The following CLCA1 variants were observed in gnomAD, a reference collection of about 807,000 sequenced individuals.
CLCA1 encodes the protein calcium-activated chloride channel regulator 1.
A neutral mutation model predicts 85.6 loss-of-function variants in CLCA1; 59 were observed. That is an observed-to-expected ratio of 0.69 (90% CI 0.56 to 0.86). The LOEUF (loss-of-function observed/expected upper bound fraction) is 0.86. CLCA1 is among the 40% of genes least tolerant of loss of function. The pLI, the probability that CLCA1 is intolerant of heterozygous loss-of-function variation, is 0.00. For synonymous variants in CLCA1, 396 were observed against 398.3 expected (o/e 0.99, Z 0.07); for missense variants, 1,022 against 1,101.4 (o/e 0.93, Z 1.02).
At chr1:86,489,820 G>A (rs1378823450) in intron 8 of CLCA1, among the ~76,000 whole-genome samples, 1 of 152,138 alleles carries the variant, frequency 6.6e-6, no homozygotes, top group East Asian at 1.9e-4. Flanking sequence ...TAATATTGTG[G>A]ATCTCAATTA....
rs1648127654 is a variant in CLCA1, at chr1:86,491,282, G to A, written c.1375G>A (p.Ala459Thr). ...CATTTTAGGAGGTTTACAGACATAT[G>A]CTTCAGATCAAGTTCAGAACAATGG... ...SKMTGGLQTY[A>T]SDQVQNNGLI... Residue 459 changes from alanine to threonine, a missense_variant, in exon 9 of 14, where the codon GCT becomes ACT. By Grantham distance (58) the Ala-to-Thr change is moderately conservative (BLOSUM62 0). Coordinates refer to ENST00000394711, the MANE Select transcript of CLCA1 (RefSeq NM_001285.4). 1.9e-6 allele frequency: 3 copies of A among 1,612,690 alleles called. No individual in the cohort carries two copies. The highest frequency in any genetic ancestry group is 3.3e-5 in the Admixed American group (2 of 59,880).
intron 7 of CLCA1, 79 bp downstream of exon 7, chr1:86,486,832 A>G (rs1463564932): frequency 7.9e-7 from 1 of 1,269,252 alleles, no homozygotes; most frequent in Admixed American, 1.7e-5. Flanking sequence ...CAGTGTTTCC[A>G]TACATGCCTA....
At chr1:86,480,068 A>T (rs1421371849) in intron 4 of CLCA1, among the ~76,000 whole-genome samples, 1 of 152,236 alleles carries the variant, frequency 6.6e-6, no homozygotes, top group African/African-American at 2.4e-5. Flanking sequence ...CTTTAAAGAT[A>T]AAAAGCAGAA....
At chr1:86,477,960 C>G (rs930811456) in intron 4 of CLCA1, among the ~76,000 whole-genome samples, 2 of 152,336 alleles carry the variant, frequency 1.3e-5, no homozygotes, top group East Asian at 1.9e-4. Context: ...TCCTAACTGT[C>G]TTGACCTAGT....
At chr1:86,493,350 T>A in intron 9 of CLCA1, 34 bp from the exon 10 acceptor site, 1 of 1,545,432 alleles carries the variant, frequency 6.5e-7, no homozygotes, top group Non-Finnish European at 8.9e-7. Flanking sequence ...GGGAGCTGTA[T>A]TCTCCAGAAA....
rs1483175227 is a variant in CLCA1 at position 86,485,523 on chromosome 1, A to G, written c.916A>G (p.Ile306Val). The change falls in exon 6 of 14, where the codon ATT becomes GTT. Residue 306 changes from isoleucine to valine, a missense_variant. By Grantham distance (29) the Ile-to-Val change is conservative. Coordinates refer to ENST00000394711, the MANE Select transcript of CLCA1 (RefSeq NM_001285.4). ...TFSLLQIGQR[I>V]VCLVLDKSGS... ...CTCATTGCTGCAGATTGGACAAAGA[A>G]TTGTGTGTTTAGTCCTTGACAAATC... The G allele has an allele frequency of 6.2e-7, 1 of 1,614,020 alleles. No individual in the cohort carries two copies. The highest frequency in any genetic ancestry group is 1.3e-5 in the African/African-American group (1 of 74,914).
chr1:86,487,515 G>C (rs1266765921), intron 7 of CLCA1, among the ~76,000 whole-genome samples: 1 of 152,174 alleles, frequency 6.6e-6, no homozygotes, highest in East Asian at 1.9e-4. Flanking sequence ...GCTTCAGGGT[G>C]ATGAGGCAAA....
chr1:86,494,431 T>C lies in CLCA1; in HGVS notation c.1925T>C (p.Leu642Pro). Residue 642 changes from leucine (L) to proline (P), a missense_variant, in exon 11 of 14, where the codon CTA (leucine) becomes CCA (proline). Leu to Pro is a moderately conservative substitution (Grantham distance 98). Coordinates refer to ENST00000394711, the MANE Select transcript of CLCA1 (RefSeq NM_001285.4). ...AATGGAAAAACAGTTACCTTGGAAC[T>C]ACTGGATAATGGAGCAGGTAATCAC... ...SVNGKTVTLE[L>P]LDNGAGADAT... 6.2e-7 allele frequency: 1 copy of C among 1,614,182 alleles called. No homozygotes were observed. The highest frequency in any genetic ancestry group is 8.5e-7 in the Non-Finnish European group (1 of 1,179,990).
intron 12 of CLCA1, among the ~76,000 whole-genome samples, chr1:86,498,200 A>G (rs113829185): frequency 0.048 from 7,164 of 150,754 alleles, 215 homozygotes; most frequent in Middle Eastern, 0.11. Context: ...GGAAGGAAGG[A>G]AGGAAGGAAA....
chr1:86,484,322 T>A (rs1470922584), intron 5 of CLCA1, among the ~76,000 whole-genome samples: 1 of 152,206 alleles, frequency 6.6e-6, no homozygotes, highest in Non-Finnish European at 1.5e-5. Context: ...CGGAAGTGAC[T>A]TTTTGGCTGA....
chr1:86,474,106 A>G (rs992770737), intron 3 of CLCA1, among the ~76,000 whole-genome samples: 1 of 152,192 alleles, frequency 6.6e-6, no homozygotes, highest in African/African-American at 2.4e-5. Flanking sequence ...GGTATTTTGA[A>G]TTCTCGTAAA....
Position 86,486,689 on chromosome 1 carries a change from A to G in CLCA1, c.1118A>G (p.Lys373Arg). ...GGCAGTGACAGGGACACACTCGCCA[A>G]AAGATTACCTGCAGCAGCTTCAGGA... ...NSGSDRDTLAKRLPAAASGGT... is the reference protein window; with the variant it reads ...NSGSDRDTLARRLPAAASGGT... The change falls in exon 7 of 14, where the codon AAA becomes AGA. Residue 373 changes from lysine to arginine, a missense_variant. By Grantham distance (26) the Lys-to-Arg change is conservative. Transcript: ENST00000394711. The G allele has an allele frequency of 6.2e-7, 1 of 1,614,206 alleles. No individual in the cohort carries two copies.
chr1:86,489,932 G>A (rs188895803), intron 8 of CLCA1, among the ~76,000 whole-genome samples: 2 of 152,258 alleles, frequency 1.3e-5, no homozygotes, highest in East Asian at 3.9e-4. Context: ...CCTGAGACAG[G>A]GATTTGGGTC....
chr1:86,492,747 A>G (rs946249727), intron 9 of CLCA1, among the ~76,000 whole-genome samples: 1 of 152,202 alleles, frequency 6.6e-6, no homozygotes, highest in Non-Finnish European at 1.5e-5. Flanking sequence ...ATTTATCTCC[A>G]CAGGGCCTGC....
Position 86,500,013 on chromosome 1 carries a change from T to A in CLCA1, c.2713T>A (p.Trp905Arg). 6.2e-7 allele frequency: 1 copy of A among 1,612,074 alleles called. No individual in the cohort carries two copies. The highest frequency in any genetic ancestry group is 1.3e-5 in the African/African-American group (1 of 75,006). Reference sequence around the variant, plus strand: ...TCACATTTTAAAAATTATGTGGAAGTGGATAGGAGAACTGCAGCTGTCAAT... The same window carrying A: ...TCACATTTTAAAAATTATGTGGAAGAGGATAGGAGAACTGCAGCTGTCAAT... The part of the protein sequence containing the change: ...GIHILKIMWK[W>R]IGELQLSIA The change falls in exon 14 of 14, where the codon TGG becomes AGG. Residue 905 changes from tryptophan to arginine, a missense_variant. Physicochemically the swap from Trp to Arg is moderately radical, Grantham distance 101. Coordinates refer to ENST00000394711, the MANE Select transcript of CLCA1 (RefSeq NM_001285.4).
intron 3 of CLCA1, among the ~76,000 whole-genome samples, chr1:86,474,378 C>A (rs1430709940): frequency 1.3e-5 from 2 of 152,126 alleles, no homozygotes; most frequent in Non-Finnish European, 2.9e-5. Flanking sequence ...CACAGTGAAA[C>A]CCCGTCTCTA....
chr1:86,473,898 T>G, intron 3 of CLCA1, 22 bp downstream of exon 3: 1 of 1,557,998 alleles, frequency 6.4e-7, no homozygotes, highest in Non-Finnish European at 8.7e-7. Context: ...TCTACCATAC[T>G]TCTCATACAA....
At chr1:86,475,900 A>C (rs1324819364) in intron 3 of CLCA1, among the ~76,000 whole-genome samples, 1 of 152,212 alleles carries the variant, frequency 6.6e-6, no homozygotes, top group African/African-American at 2.4e-5. Flanking sequence ...ACTTACCCTG[A>C]AGGATGGAGA....
At chr1:86,498,210 A>AAGGAAGGAAGGAAGGAAG (rs1553188785) in intron 12 of CLCA1, among the ~76,000 whole-genome samples, 1 of 117,678 alleles carries the variant, frequency 8.5e-6, no homozygotes, top group African/African-American at 3.2e-5. Context: ...AAGGAAGGAA[A>AAGGAAGGAAGGAAGGAAG]AAACAGATGT....
Sources: allele counts gnomAD v4.1 joint callset (sites outside exome capture counted in the v4.1 genomes callset), GRCh38; gene constraint gnomAD v4.1.1; transcripts MANE v1.5; gene names NCBI Gene and HGNC (gene_info 2026-07-23, HGNC 2026-07-21).